NALF1: variants seen among roughly 807,000 people sequenced by gnomAD.
NALF1 encodes family with sequence similarity 155 member A.
In NALF1, 3 loss-of-function variants were observed where a neutral mutation model predicts 48.4. The observed-to-expected ratio is 0.06, with a 90% CI of 0.03 to 0.16. The LOEUF (loss-of-function observed/expected upper bound fraction) is 0.16, where lower values mean the gene tolerates loss of function less well. Ranked by LOEUF, NALF1 falls within the 10% of genes least tolerant of loss-of-function variation. The pLI, the probability that NALF1 is intolerant of heterozygous loss-of-function variation, is 1.00. For synonymous variants in NALF1, 262 were observed against 245.7 expected (o/e 1.07, Z -0.62); for missense variants, 526 against 571.5 (o/e 0.92, Z 0.81).
At chr13:107,335,501 A>G (rs989472497) in intron 1 of NALF1, among the ~76,000 whole-genome samples, 2 of 152,244 alleles carry the variant, frequency 1.3e-5, no homozygotes, top group Non-Finnish European at 2.9e-5. Flanking sequence ...CCATTCTTTC[A>G]TCTAAAATTG....
chr13:107,747,204 T>C (rs944172795), intron 1 of NALF1, among the ~76,000 whole-genome samples: 1 of 152,220 alleles, frequency 6.6e-6, no homozygotes, highest in South Asian at 2.1e-4. Flanking sequence ...TTGAGCCCTG[T>C]TTCCTTGCAT....
chr13:107,649,820 G>A (rs1271027149), intron 1 of NALF1, among the ~76,000 whole-genome samples: 3 of 152,142 alleles, frequency 2.0e-5, no homozygotes, highest in African/African-American at 7.2e-5. Context: ...ATTTTGTGGT[G>A]TGCTGTGTCC....
chr13:107,408,513 T>C (rs1883937286), intron 1 of NALF1, among the ~76,000 whole-genome samples: 1 of 152,136 alleles, frequency 6.6e-6, no homozygotes, highest in South Asian at 2.1e-4. Flanking sequence ...TAGGCTGTAG[T>C]TGATTGTAAT....
chr13:107,374,304 G>C (rs1883299270), intron 1 of NALF1, among the ~76,000 whole-genome samples: 1 of 152,096 alleles, frequency 6.6e-6, no homozygotes, highest in Non-Finnish European at 1.5e-5. Context: ...TCACCATCAG[G>C]AGCAGGGAAC....
chr13:107,824,494 C>T (rs1879454318), intron 1 of NALF1, among the ~76,000 whole-genome samples: 1 of 152,142 alleles, frequency 6.6e-6, no homozygotes, highest in Non-Finnish European at 1.5e-5. Context: ...TTCATCAATA[C>T]AAAGCCTGGG....
At chr13:107,270,555 C>T (rs1256618460) in intron 1 of NALF1, among the ~76,000 whole-genome samples, 1 of 151,744 alleles carries the variant, frequency 6.6e-6, no homozygotes, top group African/African-American at 2.4e-5. Context: ...TAAAGTATAA[C>T]TTTAAATATA....
At chr13:107,229,646 T>A (rs1296617966) in intron 1 of NALF1, among the ~76,000 whole-genome samples, 2 of 152,100 alleles carry the variant, frequency 1.3e-5, no homozygotes, top group African/African-American at 4.8e-5. Flanking sequence ...CCCACACCCA[T>A]GAACATTTAT....
chr13:107,827,202 A>G (rs1879545688), intron 1 of NALF1, among the ~76,000 whole-genome samples: 1 of 152,212 alleles, frequency 6.6e-6, no homozygotes, highest in Admixed American at 6.5e-5. Context: ...TCATCTTAGA[A>G]ACGCAAAAAT....
intron 1 of NALF1, among the ~76,000 whole-genome samples, chr13:107,310,976 G>C (rs1205663122): frequency 6.6e-6 from 1 of 152,052 alleles, no homozygotes; most frequent in African/African-American, 2.4e-5. Context: ...GATTATTTAA[G>C]GCCATATATG....
chr13:107,663,351 C>T (rs971063608), intron 1 of NALF1, among the ~76,000 whole-genome samples: 1 of 152,116 alleles, frequency 6.6e-6, no homozygotes, highest in African/African-American at 2.4e-5. Context: ...ATAGAAATTG[C>T]TTTGTCCTAC....
intron 1 of NALF1, among the ~76,000 whole-genome samples, chr13:107,431,132 T>C (rs1884374552): frequency 6.6e-6 from 1 of 152,096 alleles, no homozygotes; most frequent in Admixed American, 6.6e-5. Context: ...TCTTTGCCCA[T>C]TGAGCTTTCT....
At chr13:107,807,576 AAAATGTAC>A (rs1334633116) in intron 1 of NALF1, among the ~76,000 whole-genome samples, 19 of 152,220 alleles carry the variant, frequency 1.2e-4, no homozygotes, top group African/African-American at 4.3e-4. Flanking sequence ...GATAACACGG[AAAATGTAC>A]CAATGATAAA....
At position 107,538,248 on chromosome 13, in the gene NALF1, A is replaced by G. The variant is rs141074783; in HGVS notation, c.915+327434T>C. Among the ~76,000 whole-genome samples, 76 of 152,234 alleles carry G rather than the reference A, an allele frequency of 5.0e-4. 1 individual carries two copies. The highest frequency in any genetic ancestry group is 3.5e-3 in the Admixed American group (53 of 15,282). ...TAAATGCATTTCTTTCTATTTGTAC[A>G]ATCCATATCCTTTATTTGGAAAACT... On this transcript the variant is annotated intron_variant, in intron 1 of 2. Transcript: ENST00000375915.
intron 1 of NALF1, among the ~76,000 whole-genome samples, chr13:107,229,333 G>C (rs541461536): frequency 2.0e-5 from 3 of 152,160 alleles, no homozygotes; most frequent in African/African-American, 7.2e-5. Flanking sequence ...AGGCACTTTT[G>C]GGCAGGCATT....
intron 1 of NALF1, among the ~76,000 whole-genome samples, chr13:107,247,908 G>A (rs562270828): frequency 1.3e-5 from 2 of 152,272 alleles, no homozygotes; most frequent in East Asian, 3.9e-4. Flanking sequence ...AGTGTCTGGA[G>A]AGGTCACATC....
intron 1 of NALF1, among the ~76,000 whole-genome samples, chr13:107,555,230 C>T (rs2391457): frequency 0.041 from 6,290 of 151,702 alleles, 458 homozygotes; most frequent in East Asian, 0.36. Flanking sequence ...TCAAAACTTA[C>T]GTTGTGAGGG....
At chr13:107,663,977 T>C (rs1416414765) in intron 1 of NALF1, among the ~76,000 whole-genome samples, 1 of 152,178 alleles carries the variant, frequency 6.6e-6, no homozygotes, top group African/African-American at 2.4e-5. Flanking sequence ...AGACATCATC[T>C]GTGTGCTGAT....
chr13:107,779,412 T>C (rs1310021162), intron 1 of NALF1, among the ~76,000 whole-genome samples: 2 of 152,188 alleles, frequency 1.3e-5, no homozygotes, highest in African/African-American at 2.4e-5. Context: ...TCAGATCCTA[T>C]ACATTATCTG....
intron 2 of NALF1, among the ~76,000 whole-genome samples, chr13:107,202,872 A>G (rs1017940519): frequency 1.3e-5 from 2 of 152,172 alleles, no homozygotes; most frequent in African/African-American, 2.4e-5. Flanking sequence ...CTGTTCCACT[A>G]CAAATGCTGG....
Sources: allele counts gnomAD v4.1 joint callset (sites outside exome capture counted in the v4.1 genomes callset), GRCh38; gene constraint gnomAD v4.1.1; transcripts MANE v1.5; gene names NCBI Gene and HGNC (gene_info 2026-07-23, HGNC 2026-07-21).